Variants in DCDC2C observed in about 807,000 individuals in gnomAD.
DCDC2C encodes doublecortin domain-containing protein 2C.
A neutral mutation model predicts 45.0 loss-of-function variants in DCDC2C; 44 were observed. The ratio of observed to expected loss-of-function variants is 0.98; its 90% confidence interval spans 0.77 to 1.26. DCDC2C has a LOEUF of 1.26. DCDC2C is among the 50% of genes most tolerant of loss of function. DCDC2C has a pLI of 0.00. For missense variants in DCDC2C, 447 were observed against 468.9 expected, an observed-to-expected ratio of 0.95 and a Z score of 0.43; for synonymous variants, 187 against 178.8, an observed-to-expected ratio of 1.05 and a Z score of -0.37.
chr2:3,722,531 C>G (rs1668529882), intron 2 of DCDC2C, among the ~76,000 whole-genome samples: 1 of 152,118 alleles, frequency 6.6e-6, no homozygotes, highest in African/African-American at 2.4e-5. Flanking sequence ...AGTCTTCCGT[C>G]TTTGATTTAG....
rs188721491 is a variant in DCDC2C, at chr2:3,823,327, G to A, written c.1066-23827G>A. 8.0e-4 allele frequency among the ~76,000 whole-genome samples: 121 copies of A among 151,386 alleles called. 2 individuals carry two copies. Among genetic ancestry groups the A allele is most frequent in the Non-Finnish European group, 1.4e-3 (98 of 67,892 alleles). ...TATTGATTTCTAACGTCATTCCGTTGTGTTCAGAGAACATGTAATTTCAAG... is the reference window on the plus strand; with the variant it reads ...TATTGATTTCTAACGTCATTCCGTTATGTTCAGAGAACATGTAATTTCAAG... On this transcript the variant is annotated intron_variant, in intron 10 of 10. Coordinates refer to ENST00000399143, the MANE Select transcript of DCDC2C (RefSeq NM_001287444.2).
At chr2:3,836,658 T>A (rs62107645) in intron 10 of DCDC2C, among the ~76,000 whole-genome samples, 1 of 152,000 alleles carries the variant, frequency 6.6e-6, no homozygotes, top group Non-Finnish European at 1.5e-5. Context: ...GTCAGGAGAT[T>A]GAGAACATCC....
At chr2:3,765,192 A>C (rs1282641207) in intron 6 of DCDC2C, among the ~76,000 whole-genome samples, 2 of 152,180 alleles carry the variant, frequency 1.3e-5, no homozygotes, top group African/African-American at 2.4e-5. Flanking sequence ...TCAGATTTTC[A>C]ACTCTTCTTT....
intron 3 of DCDC2C, among the ~76,000 whole-genome samples, chr2:3,741,717 A>T (rs992412219): frequency 6.7e-6 from 1 of 149,352 alleles, no homozygotes; most frequent in African/African-American, 2.6e-5. Flanking sequence ...ATAGGTATAC[A>T]CACACGCGCG....
rs142435651 is a variant in DCDC2C at position 3,730,078 on chromosome 2, A to G, written c.416+2999A>G. On this transcript the variant is annotated intron_variant, in intron 3 of 10. Transcript: ENST00000399143. ...GCTGCTGTGCATTCAGGAGGAGCTG[A>G]GAGACAGCCGAGGAGCACAACCCTC... is the stretch of plus-strand genomic sequence containing the variant. Among the ~76,000 whole-genome samples the G allele has an allele frequency of 4.8e-3, 733 of 152,314 alleles. 4 individuals carry two copies. The highest frequency in any genetic ancestry group is 0.017 in the African/African-American group (698 of 41,564).
At chr2:3,723,667 T>G (rs936513393) in intron 2 of DCDC2C, among the ~76,000 whole-genome samples, 2 of 151,982 alleles carry the variant, frequency 1.3e-5, no homozygotes, top group African/African-American at 4.8e-5. Flanking sequence ...TTGCTTGCCA[T>G]GAGGGAAGGA....
Position 3,778,802 on chromosome 2 carries a change from T to C in DCDC2C, c.955-14T>C. The stretch of plus-strand genomic sequence containing the variant: ...CATAAGTAGTTGATAAAATGTGGTG[T>C]ATTTTCTCCCCAGAGACAAGCTGAG... On this transcript the variant is annotated splice_polypyrimidine_tract_variant and intron_variant, in intron 8 of 10. Coordinates refer to ENST00000399143, the MANE Select transcript of DCDC2C (RefSeq NM_001287444.2). The C allele has an allele frequency of 6.5e-7, 1 of 1,550,358 alleles. No homozygotes were observed. The highest frequency in any genetic ancestry group is 8.7e-7 in the Non-Finnish European group (1 of 1,146,764).
intron 10 of DCDC2C, among the ~76,000 whole-genome samples, chr2:3,813,065 A>AT (rs1445585405): frequency 6.9e-5 from 2 of 28,818 alleles, no homozygotes; most frequent in African/African-American, 1.8e-4. Context: ...ATATATATAT[A>AT]TATTTTTTTT....
chr2:3,786,866 T>C (rs1670669144), intron 10 of DCDC2C, among the ~76,000 whole-genome samples: 1 of 152,288 alleles, frequency 6.6e-6, no homozygotes, highest in Non-Finnish European at 1.5e-5. Flanking sequence ...ATAGGTTTAC[T>C]TACTTTTCAA....
At chr2:3,750,057 G>T (rs142831768) in intron 4 of DCDC2C, among the ~76,000 whole-genome samples, 15 of 150,932 alleles carry the variant, frequency 9.9e-5, no homozygotes, top group African/African-American at 3.2e-4. Flanking sequence ...CCTGTTCCCG[G>T]CTCCATCATT....
At chr2:3,743,107 T>TG (rs1669262396) in intron 4 of DCDC2C, among the ~76,000 whole-genome samples, 2 of 152,212 alleles carry the variant, frequency 1.3e-5, no homozygotes, top group South Asian at 4.1e-4. Flanking sequence ...CAGCTGGACT[T>TG]ACATCAGACC....
At chr2:3,782,170 G>A (rs957516357) in intron 9 of DCDC2C, among the ~76,000 whole-genome samples, 12 of 152,190 alleles carry the variant, frequency 7.9e-5, no homozygotes, top group African/African-American at 2.9e-4. Flanking sequence ...GTCATTTGAA[G>A]CACTTAAAAC....
chr2:3,804,153 C>T (rs1268246292), intron 10 of DCDC2C, among the ~76,000 whole-genome samples: 6 of 151,046 alleles, frequency 4.0e-5, no homozygotes, highest in African/African-American at 9.7e-5. Flanking sequence ...TAGCCAGTGA[C>T]GCTGACCTGC....
chr2:3,723,561 A>G (rs1005670907), intron 2 of DCDC2C, among the ~76,000 whole-genome samples: 2 of 152,182 alleles, frequency 1.3e-5, no homozygotes, highest in African/African-American at 2.4e-5. Context: ...GCCAGCTTGC[A>G]TGGCCCGAGG....
At chr2:3,704,677 G>T (rs1364867348) in intron 1 of DCDC2C, among the ~76,000 whole-genome samples, 26 of 34,582 alleles carry the variant, frequency 7.5e-4, no homozygotes, top group African/African-American at 3.6e-3. Flanking sequence ...AGAGGGGCGT[G>T]GGGGGCGTGG....
chr2:3,782,123 C>T (rs1229438575), intron 9 of DCDC2C, among the ~76,000 whole-genome samples: 1 of 152,176 alleles, frequency 6.6e-6, no homozygotes. Flanking sequence ...CCTGCGCTAA[C>T]TCCCCGTTCC....
At chr2:3,828,539 G>A (rs771828856) in intron 10 of DCDC2C, among the ~76,000 whole-genome samples, 4 of 152,164 alleles carry the variant, frequency 2.6e-5, no homozygotes, top group Non-Finnish European at 4.4e-5. Context: ...TCTCTGAGCC[G>A]TTTCTCACTA....
Position 3,727,072 on chromosome 2 carries a change from C to T in DCDC2C, c.409C>T (p.His137Tyr). Reference sequence around the variant, plus strand: ...GCAAACATATCATCGTATATCTCGACATATAAAGTGAGTATAATATTATGG... The same window carrying T: ...GCAAACATATCATCGTATATCTCGATATATAAAGTGAGTATAATATTATGG... The part of the protein sequence containing the change: ...KWQTYHRISR[H>Y]INVFTNGRLF... The change falls in exon 3 of 11, where the codon CAT becomes TAT. Residue 137 changes from histidine (H) to tyrosine (Y), a missense_variant. Physicochemically the swap from His to Tyr is moderately conservative, Grantham distance 83. Transcript: ENST00000399143. 6 of 1,548,702 alleles carry T rather than the reference C, an allele frequency of 3.9e-6. No individual in the cohort carries two copies. The highest frequency in any genetic ancestry group is 1.7e-4 in the Middle Eastern group (1 of 5,990).
intron 10 of DCDC2C, among the ~76,000 whole-genome samples, chr2:3,797,113 G>C (rs1225744642): frequency 1.3e-5 from 2 of 152,056 alleles, no homozygotes; most frequent in African/African-American, 4.8e-5. Flanking sequence ...TGTATGTGTC[G>C]AGGAATTTAT....
Sources: allele counts gnomAD v4.1 joint callset (sites outside exome capture counted in the v4.1 genomes callset), GRCh38; gene constraint gnomAD v4.1.1; transcripts MANE v1.5; gene names NCBI Gene and HGNC (gene_info 2026-07-23, HGNC 2026-07-21).